UGT1A7: variants seen among roughly 807,000 people sequenced by gnomAD.
The protein encoded by UGT1A7 is UDP glucuronosyltransferase family 1 member A7, also known as UDP-glucuronosyltransferase 1A7.
In UGT1A7, 33 loss-of-function variants were observed where a neutral mutation model predicts 45.6. The ratio of observed to expected loss-of-function variants is 0.72; its 90% CI spans 0.55 to 0.97. The LOEUF is 0.97. UGT1A7 is among the 50% of genes least tolerant of loss of function. UGT1A7 has a pLI of 0.00. For missense variants in UGT1A7, 684 were observed against 666.2 expected (o/e 1.03, Z -0.29); for synonymous variants, 274 against 250.6 (o/e 1.09, Z -0.88).
intron 1 of UGT1A7, chr2:233,713,745 G>A: frequency 6.2e-7 from 1 of 1,613,988 alleles, no homozygotes; most frequent in Non-Finnish European, 8.5e-7. Context: ...TGTCAGCCAT[G>A]CATCTGTGTG....
chr2:233,760,663 G>A, intron 1 of UGT1A7: 1 of 1,614,204 alleles, frequency 6.2e-7, no homozygotes, highest in Non-Finnish European at 8.5e-7. Context: ...GCTTTTGTCT[G>A]GCTGTTCCCA....
intron 1 of UGT1A7, among the ~76,000 whole-genome samples, chr2:233,753,945 C>T (rs1389059765): frequency 1.3e-5 from 2 of 152,168 alleles, no homozygotes; most frequent in Non-Finnish European, 2.9e-5. Context: ...AAATGTATGA[C>T]CTCCAAAATA....
chr2:233,705,563 G>A (rs775639563), intron 1 of UGT1A7, among the ~76,000 whole-genome samples: 1 of 152,172 alleles, frequency 6.6e-6, no homozygotes, highest in Non-Finnish European at 1.5e-5. Context: ...ATTGCTTGTG[G>A]CAAGGGATAG....
chr2:233,704,140 C>T (rs1322869617), intron 1 of UGT1A7, among the ~76,000 whole-genome samples: 3 of 152,114 alleles, frequency 2.0e-5, no homozygotes, highest in Non-Finnish European at 4.4e-5. Flanking sequence ...ATCCACCCGC[C>T]TCAGCCTTTC....
chr2:233,694,725 T>C (rs1230570334), intron 1 of UGT1A7, among the ~76,000 whole-genome samples: 2 of 152,186 alleles, frequency 1.3e-5, no homozygotes, highest in African/African-American at 4.8e-5. Context: ...GATTTCTCTG[T>C]TAACAATTTG....
At chr2:233,718,299 ACT>A (rs1382427566) in intron 1 of UGT1A7, among the ~76,000 whole-genome samples, 3 of 151,938 alleles carry the variant, frequency 2.0e-5, no homozygotes, top group Admixed American at 6.5e-5. Flanking sequence ...CAGCCTGAAC[ACT>A]CTCTGTTTAG....
At chr2:233,685,065 G>A (rs2074720331) in intron 1 of UGT1A7, among the ~76,000 whole-genome samples, 1 of 152,116 alleles carries the variant, frequency 6.6e-6, no homozygotes, top group Admixed American at 6.6e-5. Context: ...GCTCTGCACA[G>A]GAGATTTTTT....
At chr2:233,720,301 T>C (rs1312639671) in intron 1 of UGT1A7, among the ~76,000 whole-genome samples, 1 of 151,768 alleles carries the variant, frequency 6.6e-6, no homozygotes, top group Non-Finnish European at 1.5e-5. Flanking sequence ...GAGTTGGGGG[T>C]CTGGTGTATG....
intron 1 of UGT1A7, among the ~76,000 whole-genome samples, chr2:233,752,840 A>G (rs1357477181): frequency 6.6e-6 from 1 of 152,242 alleles, no homozygotes; most frequent in African/African-American, 2.4e-5. Flanking sequence ...AATCTAGGAT[A>G]TATCAAAATT....
At chr2:233,732,423 T>C (rs1232820803) in intron 1 of UGT1A7, among the ~76,000 whole-genome samples, 1 of 152,264 alleles carries the variant, frequency 6.6e-6, no homozygotes, top group Non-Finnish European at 1.5e-5. Context: ...GGTTTTCTTC[T>C]AGGATTTTTA....
chr2:233,693,367 G>T, intron 1 of UGT1A7: 3 of 1,614,154 alleles, frequency 1.9e-6, no homozygotes, highest in Non-Finnish European at 2.5e-6. Context: ...TTATTGGCCT[G>T]TACTTCATCA....
chr2:233,743,812 G>C (rs1692526779), intron 1 of UGT1A7: 1 of 1,367,182 alleles, frequency 7.3e-7, no homozygotes, highest in African/African-American at 1.5e-5. Flanking sequence ...TGTTCTCAGG[G>C]TTTTTGTCGG....
intron 1 of UGT1A7, among the ~76,000 whole-genome samples, chr2:233,753,993 T>C (rs970764565): frequency 1.4e-4 from 22 of 152,184 alleles, no homozygotes; most frequent in Admixed American, 1.4e-3. Context: ...GCCACCAAGT[T>C]TGGGTAATTT....
rs945545582 is a variant in UGT1A7, at chr2:233,772,813, G to A, written c.*254G>A. On this transcript the variant is annotated 3_prime_UTR_variant, in exon 5 of 5. Coordinates refer to ENST00000373426, the MANE Select transcript of UGT1A7 (RefSeq NM_019077.3). ...TGACATGTGCCATTTTTCAGAGGAC[G>A]TGCAGACAGGCTGGCATTCTAGATT... 2 of 1,026,302 alleles carry A rather than the reference G, an allele frequency of 1.9e-6. No individual in the cohort carries two copies. Among genetic ancestry groups the A allele is most frequent in the Admixed American group, 3.1e-5 (1 of 32,076 alleles). 63.6% of individuals were successfully genotyped at this position (1,026,302 alleles called of 1,614,324 possible).
At chr2:233,767,255 G>C in intron 2 of UGT1A7, 90 bp downstream of exon 2, 1 of 1,596,760 alleles carries the variant, frequency 6.3e-7, no homozygotes, top group Non-Finnish European at 8.5e-7. Flanking sequence ...CTCTTAATTG[G>C]AACCTTAGAT....
intron 1 of UGT1A7, among the ~76,000 whole-genome samples, chr2:233,766,257 A>G (rs1699081687): frequency 1.3e-5 from 2 of 151,512 alleles, no homozygotes; most frequent in African/African-American, 2.4e-5. Context: ...CAGACCGCTC[A>G]GTGGCCCGGG....
chr2:233,743,530 C>A (rs781463146), intron 1 of UGT1A7: 1 of 1,367,250 alleles, frequency 7.3e-7, no homozygotes, highest in Non-Finnish European at 9.8e-7. Flanking sequence ...GCTTCCCCAG[C>A]AGTTCCTCTG....
intron 1 of UGT1A7, among the ~76,000 whole-genome samples, chr2:233,739,521 C>G (rs937705883): frequency 6.6e-6 from 1 of 152,212 alleles, no homozygotes; most frequent in Non-Finnish European, 1.5e-5. Context: ...GACATGAAGT[C>G]AAGGGAGATT....
At position 233,765,222 on chromosome 2, in the gene UGT1A7, C is replaced by A. The variant is rs528641835; in HGVS notation, c.856-1812C>A. On this transcript the variant is annotated intron_variant, in intron 1 of 4. Transcript: ENST00000373426. ...TAGTGCCCTCAGTATTCTTTGCAAA[C>A]ATAAAACCATAGACTCAGTAATCCC... Among the ~76,000 whole-genome samples, 51 of 152,262 alleles carry A rather than the reference C, an allele frequency of 3.3e-4. 1 individual carries two copies. The South Asian group carries it at 4.4e-3, about 13-fold the overall frequency.
Sources: allele counts gnomAD v4.1 joint callset (sites outside exome capture counted in the v4.1 genomes callset), GRCh38; gene constraint gnomAD v4.1.1; transcripts MANE v1.5; gene names NCBI Gene and HGNC (gene_info 2026-07-23, HGNC 2026-07-21).